ABI2: variants seen among roughly 807,000 people sequenced by gnomAD.
ABI2 encodes the protein abl interactor 2.
In ABI2, 25 loss-of-function variants were observed where a neutral mutation model predicts 59.2. That is an observed-to-expected ratio of 0.42 (90% CI 0.31 to 0.59). ABI2 has a LOEUF of 0.59. ABI2 is among the 20% of genes least tolerant of loss of function. ABI2 has a pLI of 0.14. For missense variants in ABI2, 545 were observed against 681.8 expected (o/e 0.80, Z 2.23); for synonymous variants, 213 against 235.5 (o/e 0.90, Z 0.87).
At chr2:203,342,291 CGTT>C in intron 1 of ABI2, 1 of 435,604 alleles carries the variant, frequency 2.3e-6, no homozygotes, top group South Asian at 1.7e-5. Context: ...GAAGAATCTT[CGTT>C]GTAAATTTTG....
intron 2 of ABI2, 127 bp from the exon 3 acceptor site, chr2:203,380,081 A>G (rs1414187683): frequency 3.3e-6 from 2 of 610,906 alleles, no homozygotes; most frequent in Non-Finnish European, 5.2e-6. Context: ...GTCCAGAAGA[A>G]TAAAAATTTA....
At chr2:203,380,806 T>C (rs1243894494) in intron 3 of ABI2, among the ~76,000 whole-genome samples, 1 of 152,210 alleles carries the variant, frequency 6.6e-6, no homozygotes. Flanking sequence ...ACTTTGAATT[T>C]TTCTAAAATA....
At position 203,395,701 on chromosome 2, in the gene ABI2, C is replaced by A; in HGVS notation, c.771C>A (p.Ser257Arg). 6.2e-7 allele frequency: 1 copy of A among 1,612,574 alleles called. No individual in the cohort carries two copies. The highest frequency in any genetic ancestry group is 8.5e-7 in the Non-Finnish European group (1 of 1,179,376). The change falls in exon 7 of 12, where the codon AGC becomes AGA. Residue 257 changes from serine to arginine, a missense_variant. Ser to Arg is a moderately radical substitution (Grantham distance 110). Transcript: ENST00000261018. ...GGAGCCACCCAAGTAGTCGGAGCAG[C>A]AGTCGAGAGAACAGTGGAAGTGGTA... ...SGGSHPSSRS[S>R]SRENSGSGSV...
intron 1 of ABI2, among the ~76,000 whole-genome samples, chr2:203,351,163 G>T (rs974433868): frequency 6.6e-6 from 1 of 152,130 alleles, no homozygotes. Context: ...ACCCATAAAT[G>T]TGCAGTTTTA....
At chr2:203,391,863 T>G (rs2096754881) in intron 5 of ABI2, among the ~76,000 whole-genome samples, 1 of 151,546 alleles carries the variant, frequency 6.6e-6, no homozygotes, top group African/African-American at 2.4e-5. Context: ...TTTATTTTGG[T>G]CCTAGAGTTG....
chr2:203,394,825 A>G lies in ABI2; in HGVS notation c.704A>G (p.Asn235Ser), dbSNP rs755245338. The stretch of plus-strand genomic sequence containing the variant: ...AGCCCTGTGAGGACAGCTTCTGTGA[A>G]TCAAAGAAATCGAACTTACAGGTAT... The part of the protein sequence containing the change: ...QQSPVRTASV[N>S]QRNRTYSSSG... The change falls in exon 6 of 12, where the codon AAT becomes AGT. Residue 235 changes from asparagine (N) to serine (S), a missense_variant. Around this residue, in one of 4 missense-constraint regions of ABI2, gnomAD observed 410 missense variants for 435.6 expected, o/e 0.94. Transcript: ENST00000261018. 5.0e-6 allele frequency: 8 copies of G among 1,614,162 alleles called. No homozygotes were observed. The highest frequency in any genetic ancestry group is 6.8e-6 in the Non-Finnish European group (8 of 1,180,016).
intron 1 of ABI2, among the ~76,000 whole-genome samples, chr2:203,341,902 C>T (rs570571722): frequency 2.0e-4 from 30 of 152,126 alleles, no homozygotes; most frequent in Non-Finnish European, 3.8e-4. Context: ...TTACTTAGTG[C>T]AGGACTTACT....
intron 2 of ABI2, among the ~76,000 whole-genome samples, chr2:203,374,512 A>T (rs2095546917): frequency 6.6e-6 from 1 of 151,446 alleles, no homozygotes; most frequent in Admixed American, 6.6e-5. Flanking sequence ...AAAAAAAAAA[A>T]AAAAAAAGGA....
At chr2:203,415,728 T>C (rs931011593) in intron 10 of ABI2, among the ~76,000 whole-genome samples, 1 of 151,970 alleles carries the variant, frequency 6.6e-6, no homozygotes, top group Admixed American at 6.6e-5. Context: ...ACTATACTGG[T>C]ACCTCATAAA....
intron 1 of ABI2, among the ~76,000 whole-genome samples, chr2:203,345,844 C>A (rs1238208270): frequency 2.0e-5 from 3 of 151,452 alleles, no homozygotes; most frequent in Non-Finnish European, 4.4e-5. Flanking sequence ...CTGTGCCCAG[C>A]AATATTTTCT....
intron 8 of ABI2, among the ~76,000 whole-genome samples, chr2:203,401,115 C>T (rs2153439809): frequency 6.6e-6 from 1 of 152,052 alleles, no homozygotes; most frequent in South Asian, 2.1e-4. Context: ...ACTCTCCCCT[C>T]TTCTCCAGTA....
intron 1 of ABI2, among the ~76,000 whole-genome samples, chr2:203,337,596 T>G (rs2077043730): frequency 6.6e-6 from 1 of 152,218 alleles, no homozygotes; most frequent in Non-Finnish European, 1.5e-5. Context: ...ATGCAATCTC[T>G]ATCAATATTC....
At chr2:203,412,650 G>A (rs932265033) in intron 10 of ABI2, among the ~76,000 whole-genome samples, 1 of 152,058 alleles carries the variant, frequency 6.6e-6, no homozygotes, top group African/African-American at 2.4e-5. Context: ...ATGCTATTGG[G>A]GCCGACTCTT....
chr2:203,411,137 C>G, intron 9 of ABI2, 148 bp from the exon 10 acceptor site: 1 of 700,160 alleles, frequency 1.4e-6, no homozygotes, highest in Admixed American at 2.3e-5. Flanking sequence ...AATGAGTTGT[C>G]CCTCAACAGG....
chr2:203,354,276 T>G (rs1481726386), intron 1 of ABI2, among the ~76,000 whole-genome samples: 1 of 152,156 alleles, frequency 6.6e-6, no homozygotes, highest in Non-Finnish European at 1.5e-5. Context: ...ACTCCTGAGC[T>G]CAAGTGATCT....
At chr2:203,378,510 A>G (rs1397582430) in intron 2 of ABI2, among the ~76,000 whole-genome samples, 2 of 152,336 alleles carry the variant, frequency 1.3e-5, no homozygotes, top group East Asian at 1.9e-4. Context: ...TCTGGAACAT[A>G]TAGATCCTGT....
At chr2:203,411,484 T>C (rs1490970277) in intron 10 of ABI2, 113 bp downstream of exon 10, 25 of 826,752 alleles carry the variant, frequency 3.0e-5, no homozygotes, top group Non-Finnish European at 4.4e-5. Context: ...TTCAATATTA[T>C]GAACAAATCA....
At position 203,344,121 on chromosome 2, in the gene ABI2, A is replaced by G. The variant is rs376494388; in HGVS notation, c.117+15490A>G. ...ATGTCAAATGTTACTATTCATTTATATATTTCCATTTGGTTCTTACTCCAT... is the reference window on the plus strand; with the variant it reads ...ATGTCAAATGTTACTATTCATTTATGTATTTCCATTTGGTTCTTACTCCAT... On this transcript the variant is annotated intron_variant, in intron 1 of 11. Transcript: ENST00000261018. 5.3e-5 allele frequency among the ~76,000 whole-genome samples: 8 copies of G among 152,304 alleles called. No homozygotes were observed. In the East Asian group the frequency reaches 1.2e-3, roughly 22 times the overall value.
At chr2:203,402,767 A>G in intron 9 of ABI2, 33 bp downstream of exon 9, 1 of 1,496,310 alleles carries the variant, frequency 6.7e-7, no homozygotes, top group Non-Finnish European at 8.9e-7. Flanking sequence ...ATTCTATAGA[A>G]TGTATTTAAT....
Sources: allele counts gnomAD v4.1 joint callset (sites outside exome capture counted in the v4.1 genomes callset), GRCh38; gene constraint gnomAD v4.1.1; regional missense constraint gnomAD v4.1.1; transcripts MANE v1.5; gene names NCBI Gene and HGNC (gene_info 2026-07-23, HGNC 2026-07-21).